The following USH1C variants were observed in gnomAD, a reference collection of about 807,000 sequenced individuals.
The protein encoded by USH1C is USH1 protein network component harmonin, also known as harmonin.
Under a neutral mutation model 119.3 loss-of-function variants are expected in USH1C, and 90 were observed. That is an observed-to-expected ratio of 0.75 (90% CI 0.64 to 0.90). The LOEUF (loss-of-function observed/expected upper bound fraction) is 0.90. USH1C is among the 40% of genes least tolerant of loss of function. The pLI, the probability that USH1C is intolerant of heterozygous loss-of-function variation, is 0.00. For missense variants in USH1C, 1,165 were observed against 1,167.7 expected, an observed-to-expected ratio of 1.00 and a Z score of 0.03; for synonymous variants, 465 against 443.3, an observed-to-expected ratio of 1.05 and a Z score of -0.62.
At position 17,496,780 on chromosome 11, in the gene USH1C, G is replaced by A. The variant is rs761342832; in HGVS notation, c.2524C>T (p.Pro842Ser). The change falls in exon 25 of 27, where the codon CCA becomes TCA. Residue 842 changes from proline to serine, a missense_variant. By Grantham distance (74) the Pro-to-Ser change is moderately conservative. Coordinates refer to ENST00000005226, the MANE Select transcript of USH1C (RefSeq NM_153676.4). ...WIDLVVAVCPPKEYDDELASL... is the reference protein window; with the variant it reads ...WIDLVVAVCPSKEYDDELASL... ...TACAGCTCATCGTCATACTCCTTTG[G>A]GGGGCAGACGGCAACCACAAGGTCG... 5.0e-6 allele frequency: 8 copies of A among 1,614,086 alleles called. No individual in the cohort carries two copies. In the Admixed American group the frequency reaches 5.0e-5, roughly 10 times the overall value.
intron 1 of USH1C, among the ~76,000 whole-genome samples, chr11:17,537,741 GA>G (rs979343563): frequency 2.0e-5 from 3 of 152,136 alleles, no homozygotes; most frequent in African/African-American, 7.2e-5. Context: ...CTCCCAGCCT[GA>G]GTCTCTTTCT....
chr11:17,511,223 T>G (rs1849874113), intron 16 of USH1C, among the ~76,000 whole-genome samples: 1 of 152,000 alleles, frequency 6.6e-6, no homozygotes, highest in Non-Finnish European at 1.5e-5. Flanking sequence ...CACCCTATGT[T>G]GAGGGGAGCA....
intron 23 of USH1C, among the ~76,000 whole-genome samples, chr11:17,500,570 G>A (rs933494424): frequency 3.9e-5 from 6 of 152,134 alleles, no homozygotes; most frequent in East Asian, 1.9e-4. Context: ...GCAAGGTTTC[G>A]GGGGTTTCCA....
At chr11:17,527,116 G>C in intron 5 of USH1C, 76 bp from the exon 6 acceptor site, 1 of 879,094 alleles carries the variant, frequency 1.1e-6, no homozygotes, top group Non-Finnish European at 1.4e-6. Context: ...GTACTGACCT[G>C]CTCCCCCGCC....
intron 24 of USH1C, among the ~76,000 whole-genome samples, chr11:17,497,200 G>A (rs767669385): frequency 3.9e-5 from 6 of 152,126 alleles, no homozygotes; most frequent in South Asian, 2.1e-4. Context: ...TAATTCCGAC[G>A]CACTTTCTGA....
chr11:17,514,066 G>A (rs1850024816), intron 15 of USH1C, among the ~76,000 whole-genome samples: 1 of 152,194 alleles, frequency 6.6e-6, no homozygotes, highest in Non-Finnish European at 1.5e-5. Flanking sequence ...TGGTCTGTGT[G>A]AGTGACTCAA....
At position 17,498,281 on chromosome 11, in the gene USH1C, G is replaced by A. The variant is rs765925104; in HGVS notation, c.2381-10C>T. ...CCTTTCACAATGCCACCTGCAGGCA[G>A]ATGAGGCTGATTGGCCAACTGGGCT... On this transcript the variant is annotated splice_polypyrimidine_tract_variant and intron_variant, in intron 23 of 26. Transcript: ENST00000005226. 16 of 1,613,782 alleles carry A rather than the reference G, an allele frequency of 9.9e-6. No individual in the cohort carries two copies. The South Asian group carries it at 1.8e-4, about 18-fold the overall frequency.
chr11:17,533,614 G>C (rs1033852903), intron 1 of USH1C: 1 of 557,790 alleles, frequency 1.8e-6, no homozygotes, highest in African/African-American at 1.8e-5. Flanking sequence ...ACACACATAG[G>C]TACATATGTG....
At chr11:17,544,232 T>A in intron 1 of USH1C, 40 bp downstream of exon 1, 2 of 1,613,640 alleles carry the variant, frequency 1.2e-6, no homozygotes, top group Non-Finnish European at 1.7e-6. Flanking sequence ...CGCCCAGGAC[T>A]CCGGAGTCCC....
chr11:17,542,270 C>T (rs1363677517), intron 1 of USH1C, among the ~76,000 whole-genome samples: 1 of 152,208 alleles, frequency 6.6e-6, no homozygotes, highest in Non-Finnish European at 1.5e-5. Context: ...AGGAAGGGAC[C>T]CCTACAAAGC....
chr11:17,510,139 T>G (rs973725966), intron 17 of USH1C, among the ~76,000 whole-genome samples: 3 of 152,176 alleles, frequency 2.0e-5, no homozygotes, highest in Admixed American at 6.5e-5. Context: ...AGGGGGACTC[T>G]TAGTCATGAT....
chr11:17,495,719 G>T (rs1171760326), intron 25 of USH1C, 42 bp from the exon 26 acceptor site: 1 of 1,603,958 alleles, frequency 6.2e-7, no homozygotes, highest in South Asian at 1.1e-5. Flanking sequence ...AACAGGCTTG[G>T]TTACTCCCAG....
At position 17,523,239 on chromosome 11, in the gene USH1C, C is replaced by G. The variant is rs749768019; in HGVS notation, c.848G>C (p.Ser283Thr). 6.8e-6 allele frequency: 11 copies of G among 1,614,060 alleles called. No individual in the cohort carries two copies. The highest frequency in any genetic ancestry group is 8.5e-6 in the Non-Finnish European group (10 of 1,180,022). ...EAVNVLKSSR[S>T]LTISIVAAAG... ...TGCAGCTACAATGGAGATGGTCAGGCTGCGGCTACTCTTCAGCACATTTAC... is the reference window on the plus strand; with the variant it reads ...TGCAGCTACAATGGAGATGGTCAGGGTGCGGCTACTCTTCAGCACATTTAC... Residue 283 changes from serine to threonine, a missense_variant, in exon 11 of 27, where the codon AGC becomes ACC. Coordinates refer to ENST00000005226, the MANE Select transcript of USH1C (RefSeq NM_153676.4).
Position 17,496,932 on chromosome 11 carries a change from C to G in USH1C, c.2491-119G>C. On this transcript the variant is annotated intron_variant, in intron 24 of 26. Transcript: ENST00000005226. ...GGATCAGCCAGGCTGCACCTTCTTC[C>G]CACGGGCCCACCTGGGGCCCACTGT... 2.6e-6 allele frequency: 3 copies of G among 1,176,368 alleles called. No homozygotes were observed. The South Asian group carries it at 4.2e-5, about 17-fold the overall frequency. 72.9% of individuals were successfully genotyped at this position (1,176,368 alleles called of 1,614,324 possible).
chr11:17,521,045 C>T (rs780074900), intron 13 of USH1C, 51 bp from the exon 14 acceptor site: 1 of 1,610,730 alleles, frequency 6.2e-7, no homozygotes, highest in South Asian at 1.1e-5. Context: ...CCCATAGGCC[C>T]ATCTCCTGCA....
At chr11:17,506,491 A>G (rs1378673652) in intron 18 of USH1C, among the ~76,000 whole-genome samples, 1 of 152,150 alleles carries the variant, frequency 6.6e-6, no homozygotes, top group Admixed American at 6.5e-5. Flanking sequence ...AAATCAGTTC[A>G]CAGCCCTGCC....
intron 23 of USH1C, 42 bp downstream of exon 23, chr11:17,501,009 C>T: frequency 6.4e-7 from 1 of 1,569,088 alleles, no homozygotes; most frequent in Non-Finnish European, 8.8e-7. Flanking sequence ...CGTCTAACCA[C>T]TGTATCATCC....
At chr11:17,513,714 A>G (rs1451665969) in intron 15 of USH1C, among the ~76,000 whole-genome samples, 1 of 152,164 alleles carries the variant, frequency 6.6e-6, no homozygotes, top group Admixed American at 6.5e-5. Context: ...TCAGACAGCA[A>G]TTTCCCAAGA....
chr11:17,533,899 A>C (rs1265186941), intron 1 of USH1C: 1 of 361,670 alleles, frequency 2.8e-6, no homozygotes, highest in Non-Finnish European at 5.8e-6. Flanking sequence ...AGTCAGTTTC[A>C]TGGCCACTCC....
Sources: allele counts gnomAD v4.1 joint callset (sites outside exome capture counted in the v4.1 genomes callset), GRCh38; gene constraint gnomAD v4.1.1; transcripts MANE v1.5; gene names NCBI Gene and HGNC (gene_info 2026-07-23, HGNC 2026-07-21).